DCLK1: variants seen among roughly 807,000 people sequenced by gnomAD.
The protein encoded by DCLK1 is serine/threonine-protein kinase DCLK1.
A neutral mutation model predicts 86.2 loss-of-function variants in DCLK1; 16 were observed. The observed-to-expected ratio is 0.19, with a 90% CI of 0.13 to 0.28. DCLK1 has a LOEUF of 0.28. Among genes scored for constraint, DCLK1 ranks in the 10% least tolerant of loss-of-function variants. DCLK1 has a pLI of 1.00. For missense variants in DCLK1, 590 were observed against 940.2 expected (o/e 0.63, Z 4.87); for synonymous variants, 369 against 370.5 (o/e 1.00, Z 0.05).
intron 3 of DCLK1, among the ~76,000 whole-genome samples, chr13:36,090,948 T>A (rs1884802733): frequency 6.6e-6 from 1 of 152,190 alleles, no homozygotes; most frequent in Non-Finnish European, 1.5e-5. Context: ...CCCATGGCAT[T>A]ATAAACCACT....
At chr13:36,000,919 C>A (rs1433543062) in intron 3 of DCLK1, among the ~76,000 whole-genome samples, 2 of 151,650 alleles carry the variant, frequency 1.3e-5, no homozygotes, top group African/African-American at 4.8e-5. Flanking sequence ...ATGTACTCTA[C>A]ACATTGCTAT....
chr13:36,077,777 T>C (rs1466694257), intron 3 of DCLK1, among the ~76,000 whole-genome samples: 2 of 152,168 alleles, frequency 1.3e-5, no homozygotes, highest in Non-Finnish European at 2.9e-5. Flanking sequence ...ATGGCTAGCT[T>C]ATTCTGTATC....
At chr13:35,844,688 C>T (rs574737366) in intron 6 of DCLK1, among the ~76,000 whole-genome samples, 2 of 152,294 alleles carry the variant, frequency 1.3e-5, no homozygotes, top group African/African-American at 2.4e-5. Context: ...GTCTTCTAGG[C>T]ACCTGCTACA....
At chr13:35,945,146 C>T (rs1415535765) in intron 4 of DCLK1, among the ~76,000 whole-genome samples, 2 of 152,150 alleles carry the variant, frequency 1.3e-5, no homozygotes, top group African/African-American at 4.8e-5. Context: ...GTGATCTGCC[C>T]GCCTTGGCCT....
At chr13:35,924,642 C>T (rs185831614) in intron 4 of DCLK1, among the ~76,000 whole-genome samples, 2 of 152,090 alleles carry the variant, frequency 1.3e-5, no homozygotes, top group East Asian at 3.9e-4. Flanking sequence ...AGAGCAAGAC[C>T]CTGTCTTAAA....
intron 16 of DCLK1, among the ~76,000 whole-genome samples, chr13:35,776,823 T>C (rs1217749612): frequency 6.6e-6 from 1 of 152,196 alleles, no homozygotes; most frequent in Non-Finnish European, 1.5e-5. Context: ...TGATATTTAC[T>C]TCATTTCCCC....
chr13:36,081,347 G>A (rs1050246610), intron 3 of DCLK1, among the ~76,000 whole-genome samples: 3 of 151,724 alleles, frequency 2.0e-5, no homozygotes, highest in African/African-American at 7.3e-5. Flanking sequence ...TCATCACTTA[G>A]TGCATCACTA....
intron 4 of DCLK1, among the ~76,000 whole-genome samples, chr13:35,937,570 T>A (rs955104171): frequency 6.6e-6 from 1 of 152,192 alleles, no homozygotes; most frequent in Non-Finnish European, 1.5e-5. Flanking sequence ...TAGGACTAGA[T>A]ATGATGATGG....
At chr13:35,785,855 AC>A (rs1406527943) in intron 16 of DCLK1, among the ~76,000 whole-genome samples, 6 of 152,084 alleles carry the variant, frequency 3.9e-5, no homozygotes, top group African/African-American at 1.4e-4. Context: ...AAAGGCAAGC[AC>A]TCGCAATCAG....
At chr13:35,876,224 T>C (rs559662904) in intron 4 of DCLK1, among the ~76,000 whole-genome samples, 2 of 152,324 alleles carry the variant, frequency 1.3e-5, no homozygotes, top group South Asian at 4.1e-4. Flanking sequence ...TGGAGGATCA[T>C]GGAGTCTGAA....
chr13:35,918,890 G>GTTTTTTTTTTTTTTTTT lies in DCLK1; in HGVS notation c.823+28467_823+28468insAAAAAAAAAAAAAAAAA, dbSNP rs532112697. ...CCAAAAAGAAATCTTCCTTCTGAGT[G>GTTTTTTTTTTTTTTTTT]TGTTTTTTTTTTTTTTTTTGGAAAC... On this transcript the variant is annotated intron_variant, in intron 4 of 16. Coordinates refer to ENST00000360631, the MANE Select transcript of DCLK1 (RefSeq NM_001330071.2). 9.1e-4 allele frequency among the ~76,000 whole-genome samples: 13 copies of GTTTTTTTTTTTTTTTTT among 14,218 alleles called. 1 individual carries two copies. In the South Asian group the frequency reaches 0.019, roughly 20 times the overall value. 9.3% of individuals were successfully genotyped at this position (14,218 alleles called of 152,430 possible).
intron 8 of DCLK1, 98 bp downstream of exon 8, chr13:35,835,935 T>A: frequency 1.1e-6 from 1 of 913,608 alleles, no homozygotes; most frequent in Non-Finnish European, 1.7e-6. Flanking sequence ...CATTAACTTA[T>A]TCCATATGTG....
chr13:35,813,811 G>A (rs1319686518), intron 11 of DCLK1, among the ~76,000 whole-genome samples: 1 of 147,838 alleles, frequency 6.8e-6, no homozygotes, highest in Non-Finnish European at 1.5e-5. Context: ...ACACTCAGGA[G>A]AGAAAATAAG....
chr13:36,085,507 C>G (rs1004210978), intron 3 of DCLK1, among the ~76,000 whole-genome samples: 6 of 152,234 alleles, frequency 3.9e-5, no homozygotes, highest in African/African-American at 1.4e-4. Flanking sequence ...GCCACTGTCC[C>G]CAAAGACAAA....
chr13:36,037,229 A>G (rs997731050), intron 3 of DCLK1, among the ~76,000 whole-genome samples: 4 of 152,172 alleles, frequency 2.6e-5, no homozygotes, highest in Non-Finnish European at 4.4e-5. Flanking sequence ...AACTGTGGTT[A>G]CCAGAAGCCA....
At chr13:35,981,710 G>A (rs1218052732) in intron 3 of DCLK1, among the ~76,000 whole-genome samples, 2 of 152,196 alleles carry the variant, frequency 1.3e-5, no homozygotes, top group African/African-American at 4.8e-5. Context: ...CACTTGGGTT[G>A]CTCCCACCTT....
At chr13:36,051,978 C>T (rs914779138) in intron 3 of DCLK1, among the ~76,000 whole-genome samples, 3 of 152,120 alleles carry the variant, frequency 2.0e-5, no homozygotes, top group African/African-American at 7.2e-5. Context: ...AGTTAAATTA[C>T]CTTCTTAGAA....
chr13:36,114,631 A>G (rs1885719118), intron 2 of DCLK1, among the ~76,000 whole-genome samples: 1 of 152,260 alleles, frequency 6.6e-6, no homozygotes, highest in Admixed American at 6.5e-5. Context: ...AGAAATTTCC[A>G]TTAAATCTTT....
intron 6 of DCLK1, among the ~76,000 whole-genome samples, chr13:35,842,228 CAAAAAAAAA>C (rs35862851): frequency 0.011 from 372 of 35,118 alleles, 4 homozygotes; most frequent in African/African-American, 0.041. Context: ...GACTCCATCT[CAAAAAAAAA>C]AAAAAAAAAA....
Sources: gnomAD v4.1 joint callset for allele counts (sites outside exome capture counted in the v4.1 genomes callset) on GRCh38, gnomAD v4.1.1 for gene constraint, MANE v1.5 for transcripts, NCBI Gene and HGNC (gene_info 2026-07-23, HGNC 2026-07-21) for gene names.